Variants in CCRL2 observed in about 807,000 individuals in gnomAD.
The protein encoded by CCRL2 is C-C motif chemokine receptor like 2.
For synonymous variants in CCRL2, 181 were observed against 165.6 expected (o/e 1.09, Z -0.71); for missense variants, 451 against 412.4 (o/e 1.09, Z -0.81).
Position 46,407,429 on chromosome 3 carries a change from C to T in CCRL2, c.-86C>T, listed in dbSNP as rs1203835808. On this transcript the variant is annotated 5_prime_UTR_variant, in exon 1 of 2. Coordinates refer to ENST00000399036, the MANE Select transcript of CCRL2 (RefSeq NM_003965.5). ...GATCAAAAGGAGGGCATCCACTGTC[C>T]GGGGCCATTCCCACAGCTCCCGGAT... 11 of 546,028 alleles carry T rather than the reference C, an allele frequency of 2.0e-5. No homozygotes were observed. Among genetic ancestry groups the T allele is most frequent in the East Asian group, 6.6e-5 (2 of 30,126 alleles). 33.8% of individuals were successfully genotyped at this position (546,028 alleles called of 1,614,324 possible). A position where few individuals can be genotyped will look rare whatever the true frequency, so the allele number is the denominator to read the frequency against.
chr3:46,408,719 T>C lies in CCRL2; in HGVS notation c.640T>C (p.Phe214Leu), dbSNP rs1458449477. The C allele has an allele frequency of 1.2e-6, 2 of 1,614,172 alleles. No homozygotes were observed. The highest frequency in any genetic ancestry group is 2.2e-5 in the South Asian group (2 of 91,084). Residue 214 changes from phenylalanine (F) to leucine (L), a missense_variant, in exon 2 of 2, where the codon TTT becomes CTT. Physicochemically the swap from Phe to Leu is conservative, Grantham distance 22. Transcript: ENST00000399036. ...CATTTCGGTTCTTGTCCTCCCCCTATTTATTTTTACATTTCTCTATGTGCA... is the reference window on the plus strand; with the variant it reads ...CATTTCGGTTCTTGTCCTCCCCCTACTTATTTTTACATTTCTCTATGTGCA... ...MNISVLVLPLFIFTFLYVQMR... is the reference protein window; with the variant it reads ...MNISVLVLPLLIFTFLYVQMR...
At position 46,408,389 on chromosome 3, in the gene CCRL2, A is replaced by G; in HGVS notation, c.310A>G (p.Lys104Glu). The change falls in exon 2 of 2, where the codon AAA becomes GAA. Residue 104 changes from lysine (K) to glutamate (E), a missense_variant. Physicochemically the swap from Lys to Glu is moderately conservative, Grantham distance 56 (BLOSUM62 1). Transcript: ENST00000399036. Reference sequence around the variant, plus strand: ...TCATGCTGGGGGCGATCCCATGTGTAAAATTCTCATTGGACTGTACTTCGT... The same window carrying G: ...TCATGCTGGGGGCGATCCCATGTGTGAAATTCTCATTGGACTGTACTTCGT... ...WAHAGGDPMCKILIGLYFVGL... is the reference protein window; with the variant it reads ...WAHAGGDPMCEILIGLYFVGL... 4 of 1,614,234 alleles carry G rather than the reference A, an allele frequency of 2.5e-6. No homozygotes were observed. Among genetic ancestry groups the G allele is most frequent in the Non-Finnish European group, 3.4e-6 (4 of 1,180,026 alleles).
Position 46,408,230 on chromosome 3 carries a change from A to C in CCRL2, c.151A>C (p.Ile51Leu). Residue 51 changes from isoleucine to leucine, a missense_variant, in exon 2 of 2, where the codon ATC becomes CTC. Transcript: ENST00000399036. ...VPSLCSAVFV[I>L]GVLDNLLVVL... ...ATCACTCTGCTCTGCTGTGTTTGTGATCGGTGTCCTGGACAATCTCCTGGT... is the reference window on the plus strand; with the variant it reads ...ATCACTCTGCTCTGCTGTGTTTGTGCTCGGTGTCCTGGACAATCTCCTGGT... 1 of 1,614,194 alleles carries C rather than the reference A, an allele frequency of 6.2e-7. No individual in the cohort carries two copies. Among genetic ancestry groups the C allele is most frequent in the Non-Finnish European group, 8.5e-7 (1 of 1,180,036 alleles).
At chr3:46,407,783 T>A in intron 1 of CCRL2, 1 of 1,131,232 alleles carries the variant, frequency 8.8e-7, no homozygotes. Context: ...TAAAAGAAGG[T>A]AAGTTCTACC....
At position 46,408,402 on chromosome 3, in the gene CCRL2, G is replaced by A; in HGVS notation, c.323G>A (p.Gly108Glu). The A allele has an allele frequency of 6.2e-7, 1 of 1,614,160 alleles. No homozygotes were observed. The highest frequency in any genetic ancestry group is 8.5e-7 in the Non-Finnish European group (1 of 1,179,982). ...GATCCCATGTGTAAAATTCTCATTG[G>A]ACTGTACTTCGTGGGCCTGTACAGT... ...GGDPMCKILI[G>E]LYFVGLYSET... Residue 108 changes from glycine (G) to glutamate (E), a missense_variant, in exon 2 of 2, where the codon GGA (glycine) becomes GAA (glutamate). Gly to Glu is a moderately conservative substitution (Grantham distance 98). Transcript: ENST00000399036.
rs772426094 is a variant in CCRL2 at position 46,408,856 on chromosome 3, C to T, written c.777C>T (p.Phe259=). 2.5e-6 allele frequency: 4 copies of T among 1,614,144 alleles called. No homozygotes were observed. Among genetic ancestry groups the T allele is most frequent in the Non-Finnish European group, 1.7e-6 (2 of 1,180,020 alleles). ...LMWAPYNIAF[F]LSTFKEHFSL... ...GGGCGCCCTACAATATTGCATTTTT[C>T]CTGTCCACTTTCAAAGAACACTTCT... is the stretch of plus-strand genomic sequence containing the variant. Residue 259 remains phenylalanine (F), a synonymous_variant, in exon 2 of 2, where the codon TTC becomes TTT. Coordinates refer to ENST00000399036, the MANE Select transcript of CCRL2 (RefSeq NM_003965.5).
Position 46,408,843 on chromosome 3 carries a change from A to C in CCRL2, c.764A>C (p.Asn255Thr). Residue 255 changes from asparagine (N) to threonine (T), a missense_variant, in exon 2 of 2, where the codon AAT (asparagine) becomes ACT (threonine). By Grantham distance (65) the Asn-to-Thr change is moderately conservative. Transcript: ENST00000399036. ...TTCCTTCTGATGTGGGCGCCCTACA[A>C]TATTGCATTTTTCCTGTCCACTTTC... ...VVFLLMWAPY[N>T]IAFFLSTFKE... 6.2e-7 allele frequency: 1 copy of C among 1,614,148 alleles called. No individual in the cohort carries two copies. The highest frequency in any genetic ancestry group is 8.5e-7 in the Non-Finnish European group (1 of 1,180,036).
At position 46,408,489 on chromosome 3, in the gene CCRL2, A is replaced by T. The variant is rs1559579834; in HGVS notation, c.410A>T (p.Asn137Ile). 1 of 1,614,174 alleles carries T rather than the reference A, an allele frequency of 6.2e-7. No homozygotes were observed. Among genetic ancestry groups the T allele is most frequent in the East Asian group, 2.2e-5 (1 of 44,888 alleles). Residue 137 changes from asparagine to isoleucine, a missense_variant, in exon 2 of 2, where the codon AAC becomes ATC. Transcript: ENST00000399036. ...TACCTAGTGTTTTTGCACAAGGGAA[A>T]CTTTTTCTCAGCCAGGAGGAGGGTG... The part of the protein sequence containing the change: ...QRYLVFLHKG[N>I]FFSARRRVPC...
intron 1 of CCRL2, chr3:46,407,837 A>T (rs983012773): frequency 1.4e-6 from 1 of 716,988 alleles, no homozygotes; most frequent in Non-Finnish European, 2.3e-6. Flanking sequence ...CACCTGGCAC[A>T]CTGCTAAGCA....
In CCRL2 at chr3:46,407,499, A is replaced by C. The variant is rs1319017974; in HGVS notation, c.-16A>C. 3 of 629,956 alleles carry C rather than the reference A, an allele frequency of 4.8e-6. No individual in the cohort carries two copies. Among genetic ancestry groups the C allele is most frequent in the African/African-American group, 2.0e-5 (1 of 51,266 alleles). The allele number at this position is 629,956 out of a possible 1,614,324, so 39.0% of individuals were successfully genotyped here. On this transcript the variant is annotated 5_prime_UTR_variant, in exon 1 of 2. Transcript: ENST00000399036. ...CCCTTCCCCTGCAGGAGCTCAGCCC[A>C]GTGGTAAGTCATCTGTGTGTCATCT...
chr3:46,408,180 A>G lies in CCRL2; in HGVS notation c.101A>G (p.Gln34Arg), dbSNP rs1467763995. ...EAEQCDKYDA[Q>R]ALSAQLVPSL... ...GAGCAATGTGACAAGTATGACGCCC[A>G]GGCACTCTCAGCCCAGCTGGTGCCA... Residue 34 changes from glutamine to arginine, a missense_variant, in exon 2 of 2, where the codon CAG becomes CGG. Physicochemically the swap from Gln to Arg is conservative, Grantham distance 43. Coordinates refer to ENST00000399036, the MANE Select transcript of CCRL2 (RefSeq NM_003965.5). 2 of 1,613,022 alleles carry G rather than the reference A, an allele frequency of 1.2e-6. No individual in the cohort carries two copies. The highest frequency in any genetic ancestry group is 2.2e-5 in the East Asian group (1 of 44,866).
chr3:46,408,943 C>T lies in CCRL2; in HGVS notation c.864C>T (p.Ile288=), dbSNP rs1346233935. The change falls in exon 2 of 2, where the codon ATC becomes ATT. Residue 288 remains isoleucine (I), a synonymous_variant. Transcript: ENST00000399036. The part of the protein sequence containing the change: ...LDKSVHITKL[I]ATTHCCINPL... ...AAAGTGTTCACATCACTAAACTCAT[C>T]GCCACCACCCACTGCTGCATCAACC... 1.9e-6 allele frequency: 3 copies of T among 1,614,176 alleles called. No individual in the cohort carries two copies. Among genetic ancestry groups the T allele is most frequent in the East Asian group, 2.2e-5 (1 of 44,878 alleles).
chr3:46,408,847 T>A lies in CCRL2; in HGVS notation c.768T>A (p.Ile256=). ...TTCTGATGTGGGCGCCCTACAATAT[T>A]GCATTTTTCCTGTCCACTTTCAAAG... The part of the protein sequence containing the change: ...VFLLMWAPYN[I]AFFLSTFKEH... The change falls in exon 2 of 2, where the codon ATT becomes ATA. Residue 256 remains isoleucine, a synonymous_variant. Coordinates refer to ENST00000399036, the MANE Select transcript of CCRL2 (RefSeq NM_003965.5). 1 of 1,614,172 alleles carries A rather than the reference T, an allele frequency of 6.2e-7. No homozygotes were observed. Among genetic ancestry groups the A allele is most frequent in the East Asian group, 2.2e-5 (1 of 44,886 alleles).
At position 46,408,778 on chromosome 3, in the gene CCRL2, G is replaced by A. The variant is rs1389198266; in HGVS notation, c.699G>A (p.Arg233=). Residue 233 remains arginine, a synonymous_variant, in exon 2 of 2, where the codon AGG becomes AGA. Transcript: ENST00000399036. ...MRKTLRFREQ[R]YSLFKLVFAI... ...AAACACTAAGGTTCAGGGAGCAGAG[G>A]TATAGCCTTTTCAAGCTTGTTTTTG... The A allele has an allele frequency of 6.2e-7, 1 of 1,614,176 alleles. No individual in the cohort carries two copies.
chr3:46,407,354 C>A lies in CCRL2; in HGVS notation c.-161C>A. The A allele has an allele frequency of 2.8e-6, 1 of 358,790 alleles. No individual in the cohort carries two copies. Among genetic ancestry groups the A allele is most frequent in the South Asian group, 5.1e-5 (1 of 19,456 alleles). The allele number at this position is 358,790 out of a possible 1,614,324, so 22.2% of individuals were successfully genotyped here. ...CGGTGAGTGGGGCGGGTAGAGCCAC[C>A]AGGGGAATCAACAGTGGTTTCTCGT... On this transcript the variant is annotated 5_prime_UTR_variant, in exon 1 of 2. Coordinates refer to ENST00000399036, the MANE Select transcript of CCRL2 (RefSeq NM_003965.5).
chr3:46,407,779 A>G, intron 1 of CCRL2: 2 of 1,179,416 alleles, frequency 1.7e-6, no homozygotes, highest in Non-Finnish European at 2.4e-6. Flanking sequence ...CTGCTAAAAG[A>G]AGGTAAGTTC....
rs938493750 is a variant in CCRL2 at position 46,407,683 on chromosome 3, C to T, written c.-13+181C>T. ...AAATGCAGAAATTATGATCTACACCCGTTTCTTAAAAGTAAGCCATCGTAC... is the reference window on the plus strand; with the variant it reads ...AAATGCAGAAATTATGATCTACACCTGTTTCTTAAAAGTAAGCCATCGTAC... On this transcript the variant is annotated intron_variant, in intron 1 of 1. Transcript: ENST00000399036. The T allele has an allele frequency of 1.3e-5, 20 of 1,544,004 alleles. No homozygotes were observed. The highest frequency in any genetic ancestry group is 4.1e-5 in the Admixed American group (2 of 49,164).
At position 46,408,847 on chromosome 3, in the gene CCRL2, T is replaced by C. The variant is rs1702096658; in HGVS notation, c.768T>C (p.Ile256=). The C allele has an allele frequency of 6.2e-7, 1 of 1,614,054 alleles. No individual in the cohort carries two copies. The highest frequency in any genetic ancestry group is 1.3e-5 in the African/African-American group (1 of 74,904). The change falls in exon 2 of 2, where the codon ATT becomes ATC. Residue 256 remains isoleucine, a synonymous_variant. Transcript: ENST00000399036. ...VFLLMWAPYN[I]AFFLSTFKEH... is the part of the protein sequence containing the mutation. Reference sequence around the variant, plus strand: ...TTCTGATGTGGGCGCCCTACAATATTGCATTTTTCCTGTCCACTTTCAAAG... The same window carrying C: ...TTCTGATGTGGGCGCCCTACAATATCGCATTTTTCCTGTCCACTTTCAAAG...
chr3:46,408,742 G>A lies in CCRL2; in HGVS notation c.663G>A (p.Val221=), dbSNP rs1465906662. The A allele has an allele frequency of 6.2e-7, 1 of 1,614,086 alleles. No individual in the cohort carries two copies. The highest frequency in any genetic ancestry group is 1.1e-5 in the South Asian group (1 of 91,080). The change falls in exon 2 of 2, where the codon GTG becomes GTA. Residue 221 remains valine (V), a synonymous_variant. Transcript: ENST00000399036. ...LPLFIFTFLY[V]QMRKTLRFRE... Reference sequence around the variant, plus strand: ...TATTTATTTTTACATTTCTCTATGTGCAAATGAGAAAAACACTAAGGTTCA... The same window carrying A: ...TATTTATTTTTACATTTCTCTATGTACAAATGAGAAAAACACTAAGGTTCA...
Sources: gnomAD v4.1 joint callset for allele counts on GRCh38, gnomAD v4.1.1 for gene constraint, MANE v1.5 for transcripts, NCBI Gene and HGNC (gene_info 2026-07-23, HGNC 2026-07-21) for gene names.